Variants in POU2AF2 observed in about 807,000 individuals in gnomAD.
The protein encoded by POU2AF2 is POU class 2 homeobox associating factor 2.
the POU2AF2 span, among the ~76,000 whole-genome samples, chr11:111,248,969 T>C: frequency 0.2 from 30,377 of 152,212 alleles, 3,812 homozygotes; most frequent in Non-Finnish European, 0.29. Context: ...GACTAAATTC[T>C]TCGTCATTAA....
At chr11:111,272,794 A>G in the POU2AF2 span, among the ~76,000 whole-genome samples, 1 of 152,176 alleles carries the variant, frequency 6.6e-6, no homozygotes, top group African/African-American at 2.4e-5. Context: ...AATGAATGAA[A>G]TGAAACTTCT....
chr11:111,284,057 GTTTTTCA>G, the POU2AF2 span: 4 of 1,604,850 alleles, frequency 2.5e-6, no homozygotes, highest in Non-Finnish European at 2.6e-6. Flanking sequence ...CTGCCCATGT[GTTTTTCA>G]TTTGGCAACA....
chr11:111,265,969 C>A, the POU2AF2 span, among the ~76,000 whole-genome samples: 1 of 151,964 alleles, frequency 6.6e-6, no homozygotes, highest in East Asian at 1.9e-4. Context: ...AGAGTTGAAA[C>A]TCCAACCTGG....
chr11:111,258,703 C>A, the POU2AF2 span, among the ~76,000 whole-genome samples: 1 of 152,058 alleles, frequency 6.6e-6, no homozygotes, highest in Non-Finnish European at 1.5e-5. Flanking sequence ...AAATACAGAT[C>A]CCTGGACCTG....
the POU2AF2 span, chr11:111,286,000 G>C: frequency 6.2e-7 from 1 of 1,613,922 alleles, no homozygotes; most frequent in Non-Finnish European, 8.5e-7. Flanking sequence ...CCCCTTGGGT[G>C]AAAGAAGATG....
chr11:111,280,862 C>A, the POU2AF2 span, among the ~76,000 whole-genome samples: 40,554 of 152,062 alleles, frequency 0.27, 5,717 homozygotes, highest in Admixed American at 0.34. Flanking sequence ...GTGAAGAAGG[C>A]GAAAGAAATT....
At chr11:111,248,280 G>A in the POU2AF2 span, among the ~76,000 whole-genome samples, 1 of 152,150 alleles carries the variant, frequency 6.6e-6, no homozygotes, top group Non-Finnish European at 1.5e-5. Flanking sequence ...TCCCTTCTGT[G>A]ACAGGAGTCT....
At chr11:111,249,972 A>T in the POU2AF2 span, among the ~76,000 whole-genome samples, 4 of 152,106 alleles carry the variant, frequency 2.6e-5, no homozygotes, top group African/African-American at 9.7e-5. Flanking sequence ...AGCTTCAATT[A>T]CCATAATTCT....
At chr11:111,271,553 C>G in the POU2AF2 span, among the ~76,000 whole-genome samples, 1 of 152,078 alleles carries the variant, frequency 6.6e-6, no homozygotes, top group East Asian at 1.9e-4. Flanking sequence ...TCCCAAGTAG[C>G]TGGGACTTCA....
At chr11:111,285,761 G>C in the POU2AF2 span, 2 of 1,613,050 alleles carry the variant, frequency 1.2e-6, no homozygotes, top group South Asian at 1.1e-5. Context: ...CTCCCAGCTT[G>C]AGTCCGGGAG....
chr11:111,282,274 A>G, the POU2AF2 span, among the ~76,000 whole-genome samples: 18 of 152,218 alleles, frequency 1.2e-4, no homozygotes, highest in Non-Finnish European at 2.4e-4. Flanking sequence ...CATATTCTCA[A>G]CCTTAACCGC....
the POU2AF2 span, among the ~76,000 whole-genome samples, chr11:111,276,445 A>ATAT: frequency 6.4e-4 from 19 of 29,686 alleles, no homozygotes; most frequent in African/African-American, 1.7e-3. Flanking sequence ...AAAAGAAAAA[A>ATAT]AAAAAAAAAT....
the POU2AF2 span, among the ~76,000 whole-genome samples, chr11:111,280,057 A>AAAAAATATATATAT: frequency 1.3e-4 from 10 of 76,476 alleles, no homozygotes; most frequent in South Asian, 4.6e-4. Flanking sequence ...AAAAAAAAAA[A>AAAAAATATATATAT]ATATATATAT....
At chr11:111,257,665 C>T in the POU2AF2 span, among the ~76,000 whole-genome samples, 10 of 152,242 alleles carry the variant, frequency 6.6e-5, no homozygotes, top group East Asian at 1.2e-3. Context: ...TGACCCACCG[C>T]GCCCAGCCGT....
the POU2AF2 span, among the ~76,000 whole-genome samples, chr11:111,251,218 G>A: frequency 6.6e-6 from 1 of 152,132 alleles, no homozygotes; most frequent in Non-Finnish European, 1.5e-5. Flanking sequence ...AGCAGACTCT[G>A]GATGTATTTT....
chr11:111,255,569 C>T, the POU2AF2 span, among the ~76,000 whole-genome samples: 1 of 152,196 alleles, frequency 6.6e-6, no homozygotes, highest in Non-Finnish European at 1.5e-5. Flanking sequence ...TATAATAGGG[C>T]AGGAATACTG....
chr11:111,251,973 G>A, the POU2AF2 span, among the ~76,000 whole-genome samples: 3 of 152,202 alleles, frequency 2.0e-5, no homozygotes, highest in Non-Finnish European at 4.4e-5. Context: ...GTGGTTATTT[G>A]TTAAACTTAT....
At chr11:111,279,663 T>C in the POU2AF2 span, among the ~76,000 whole-genome samples, 1 of 152,212 alleles carries the variant, frequency 6.6e-6, no homozygotes. Flanking sequence ...CCCACCCTAA[T>C]TTAATATGAC....
chr11:111,246,538 G>A, the POU2AF2 span, among the ~76,000 whole-genome samples: 1 of 152,160 alleles, frequency 6.6e-6, no homozygotes, highest in African/African-American at 2.4e-5. Context: ...TTTCAAAAAT[G>A]CCTTGTAAAG....
Sources: gnomAD v4.1 joint callset for allele counts (sites outside exome capture counted in the v4.1 genomes callset) on GRCh38, gnomAD v4.1.1 for gene constraint, MANE v1.5 for transcripts, NCBI Gene and HGNC (gene_info 2026-07-23, HGNC 2026-07-21) for gene names.